Variants in PLXDC2 observed in about 807,000 individuals in gnomAD.
PLXDC2 encodes the protein plexin domain-containing protein 2.
In PLXDC2, 40 loss-of-function variants were observed where a neutral mutation model predicts 68.9. The ratio of observed to expected loss-of-function variants is 0.58; its 90% CI spans 0.45 to 0.76. The LOEUF is 0.76. Among genes scored for constraint, PLXDC2 ranks in the 30% least tolerant of loss-of-function variants. PLXDC2 has a pLI of 0.00. For synonymous variants in PLXDC2, 243 were observed against 234.2 expected (o/e 1.04, Z -0.34); for missense variants, 644 against 661.9 (o/e 0.97, Z 0.30).
chr10:20,036,366 C>G (rs527684300), intron 2 of PLXDC2, among the ~76,000 whole-genome samples: 1 of 152,166 alleles, frequency 6.6e-6, no homozygotes, highest in East Asian at 1.9e-4. Context: ...CCTTTACAAG[C>G]CAGGAGGAGA....
At chr10:19,985,374 A>T (rs774142132) in intron 1 of PLXDC2, among the ~76,000 whole-genome samples, 95 of 152,230 alleles carry the variant, frequency 6.2e-4, no homozygotes, top group Non-Finnish European at 1.1e-3. Flanking sequence ...CCACACCTTG[A>T]TGCAGGAAGT....
At chr10:20,084,921 G>A (rs1292593003) in intron 4 of PLXDC2, among the ~76,000 whole-genome samples, 3 of 151,512 alleles carry the variant, frequency 2.0e-5, no homozygotes. Context: ...TTCTGGAAAA[G>A]TATCCCTATC....
Position 19,887,169 on chromosome 10 carries a change from A to G in PLXDC2, c.112+69978A>G, listed in dbSNP as rs998494877. 3.9e-5 allele frequency among the ~76,000 whole-genome samples: 6 copies of G among 152,316 alleles called. No individual in the cohort carries two copies. The South Asian group carries it at 1.0e-3, about 26-fold the overall frequency. Reference sequence around the variant, plus strand: ...TAGTTGCCAATAACATTTTCTGTACACTAGAGTATGGATCAGTTATTCATT... The same window carrying G: ...TAGTTGCCAATAACATTTTCTGTACGCTAGAGTATGGATCAGTTATTCATT... On this transcript the variant is annotated intron_variant, in intron 1 of 13. Coordinates refer to ENST00000377252, the MANE Select transcript of PLXDC2 (RefSeq NM_032812.9).
rs770240226 is a variant in PLXDC2 at position 20,046,872 on chromosome 10, G to A, written c.328G>A (p.Asp110Asn). The A allele has an allele frequency of 1.2e-6, 2 of 1,604,172 alleles. No homozygotes were observed. The highest frequency in any genetic ancestry group is 3.5e-5 in the Admixed American group (2 of 57,796). Residue 110 changes from aspartate (D) to asparagine (N), a missense_variant, in exon 3 of 14, where the codon GAT becomes AAT. Physicochemically the swap from Asp to Asn is conservative, Grantham distance 23. Around this residue, in one of 3 missense-constraint regions of PLXDC2, gnomAD observed 201 missense variants for 166.9 expected, o/e 1.20. Transcript: ENST00000377252. ...GQDNNTQIEE[D>N]TDHNYYISRI... ...ACATTATTATCTATTATTGCAGGAGGATACAGACCACAATTACTATATATC... is the reference window on the plus strand; with the variant it reads ...ACATTATTATCTATTATTGCAGGAGAATACAGACCACAATTACTATATATC...
At chr10:19,882,838 T>A (rs1837753500) in intron 1 of PLXDC2, among the ~76,000 whole-genome samples, 1 of 152,078 alleles carries the variant, frequency 6.6e-6, no homozygotes, top group Non-Finnish European at 1.5e-5. Flanking sequence ...ACAAATAAAA[T>A]GAAACCACCA....
intron 4 of PLXDC2, among the ~76,000 whole-genome samples, chr10:20,072,430 G>GAAAGAAAT (rs1836337384): frequency 7.0e-6 from 1 of 142,676 alleles, no homozygotes; most frequent in Non-Finnish European, 1.5e-5. Context: ...AAGAGAGAAA[G>GAAAGAAAT]AAAGAAGAAA....
At chr10:20,235,010 C>T (rs1294549782) in intron 12 of PLXDC2, among the ~76,000 whole-genome samples, 1 of 152,160 alleles carries the variant, frequency 6.6e-6, no homozygotes, top group Non-Finnish European at 1.5e-5. Flanking sequence ...TTACAGATAA[C>T]TGCGGAAGGG....
rs1449353497 is a variant in PLXDC2 at position 20,075,808 on chromosome 10, T to A, written c.541+7569T>A. ...TAGGACAGGAATGGGGGAAGGTGGA[T>A]CAGCTGAGACAAGGGTGTGGGTGAA... is the stretch of plus-strand genomic sequence containing the variant. On this transcript the variant is annotated intron_variant, in intron 4 of 13. Transcript: ENST00000377252. Among the ~76,000 whole-genome samples, 3 of 152,132 alleles carry A rather than the reference T, an allele frequency of 2.0e-5. No homozygotes were observed. The South Asian group carries it at 6.2e-4, about 31-fold the overall frequency.
intron 1 of PLXDC2, among the ~76,000 whole-genome samples, chr10:19,960,431 A>G (rs146526112): frequency 1.4e-3 from 215 of 152,226 alleles, no homozygotes; most frequent in Admixed American, 2.7e-3. Flanking sequence ...AAACTGGCCA[A>G]ATGAAACAGA....
chr10:20,176,388 T>TTGTG (rs759965037), intron 7 of PLXDC2, among the ~76,000 whole-genome samples: 7 of 26,060 alleles, frequency 2.7e-4, no homozygotes, highest in Admixed American at 4.4e-4. Flanking sequence ...TCTCGCACAG[T>TTGTG]TATGTGTGTG....
At chr10:19,994,561 C>G (rs1834810763) in intron 1 of PLXDC2, among the ~76,000 whole-genome samples, 1 of 151,694 alleles carries the variant, frequency 6.6e-6, no homozygotes, top group Non-Finnish European at 1.5e-5. Flanking sequence ...GTTACCTAGG[C>G]AGGTCTCCAT....
At chr10:20,031,115 C>A (rs186062741) in intron 2 of PLXDC2, among the ~76,000 whole-genome samples, 83 of 152,242 alleles carry the variant, frequency 5.5e-4, no homozygotes, top group African/African-American at 1.9e-3. Flanking sequence ...TGCCTGTAAT[C>A]CCAGCACTTT....
At chr10:20,064,019 T>C (rs1305655263) in intron 3 of PLXDC2, among the ~76,000 whole-genome samples, 1 of 152,152 alleles carries the variant, frequency 6.6e-6, no homozygotes, top group East Asian at 1.9e-4. Flanking sequence ...GTTTATGCCT[T>C]TTATGTTCTT....
chr10:19,913,032 A>T (rs1031076365), intron 1 of PLXDC2, among the ~76,000 whole-genome samples: 1 of 152,176 alleles, frequency 6.6e-6, no homozygotes, highest in Admixed American at 6.6e-5. Flanking sequence ...CTAGTGTCCT[A>T]GATCTCACAA....
intron 1 of PLXDC2, among the ~76,000 whole-genome samples, chr10:19,819,544 A>C (rs1018760321): frequency 2.0e-5 from 3 of 152,232 alleles, no homozygotes; most frequent in Admixed American, 2.0e-4. Flanking sequence ...TATTACAGAC[A>C]TGTTGGCACA....
chr10:20,158,268 G>A (rs966452597), intron 6 of PLXDC2, among the ~76,000 whole-genome samples: 1 of 151,872 alleles, frequency 6.6e-6, no homozygotes, highest in African/African-American at 2.4e-5. Flanking sequence ...ATTGACTTTG[G>A]CACTTCATAT....
intron 3 of PLXDC2, among the ~76,000 whole-genome samples, chr10:20,058,175 G>T (rs961549851): frequency 1.3e-5 from 2 of 152,066 alleles, no homozygotes; most frequent in African/African-American, 4.8e-5. Flanking sequence ...ACATATTTAT[G>T]GGGTACAGGT....
At chr10:20,124,535 C>T (rs959552711) in intron 4 of PLXDC2, among the ~76,000 whole-genome samples, 4 of 152,130 alleles carry the variant, frequency 2.6e-5, no homozygotes, top group Admixed American at 6.5e-5. Flanking sequence ...CACCAAATTT[C>T]CTGCGTGTCT....
rs552138944 is a variant in PLXDC2, at chr10:20,189,900, G to A, written c.1061+12491G>A. 1.3e-4 allele frequency among the ~76,000 whole-genome samples: 19 copies of A among 151,678 alleles called. No homozygotes were observed. The South Asian group carries it at 4.0e-3, about 32-fold the overall frequency. On this transcript the variant is annotated intron_variant, in intron 9 of 13. Coordinates refer to ENST00000377252, the MANE Select transcript of PLXDC2 (RefSeq NM_032812.9). ...GGGACGTGGATAAAGAATAGAAACC[G>A]GTTTTCTTTTTTTCCAAACTCGGAA...
Sources: gnomAD v4.1 joint callset for allele counts (sites outside exome capture counted in the v4.1 genomes callset) on GRCh38, gnomAD v4.1.1 for gene constraint, gnomAD v4.1.1 regional missense constraint, MANE v1.5 for transcripts, NCBI Gene and HGNC (gene_info 2026-07-23, HGNC 2026-07-21) for gene names.